The following SEM1 variants were observed in gnomAD, a reference collection of about 807,000 sequenced individuals.
The protein encoded by SEM1 is SEM1 26S proteasome subunit.
In SEM1, 3 loss-of-function variants were observed where a neutral mutation model predicts 12.7. That is an observed-to-expected ratio of 0.24 (90% confidence interval 0.11 to 0.61). SEM1 has a LOEUF of 0.61. Ranked by LOEUF, SEM1 falls within the 20% of genes least tolerant of loss-of-function variation. The pLI, the probability that SEM1 is intolerant of heterozygous loss-of-function variation, is 0.88. For missense variants in SEM1, 59 were observed against 81.3 expected (o/e 0.73, Z 1.06); for synonymous variants, 30 against 27.8 (o/e 1.08, Z -0.25).
chr7:96,576,789 A>G (rs2116023673), intron 2 of SEM1, among the ~76,000 whole-genome samples: 1 of 152,278 alleles, frequency 6.6e-6, no homozygotes, highest in South Asian at 2.1e-4. Flanking sequence ...CAAAGAAGCC[A>G]TCACAAAAAC....
intron 1 of SEM1, among the ~76,000 whole-genome samples, chr7:96,493,026 T>G (rs767355425): frequency 5.6e-4 from 85 of 152,194 alleles, no homozygotes; most frequent in Non-Finnish European, 3.4e-4. Flanking sequence ...GAGTGTGGAG[T>G]GCAGTAACGC....
At chr7:96,620,341 C>A (rs1341142140), downstream of SEM1, among the ~76,000 whole-genome samples, 2 of 152,108 alleles carry the variant, frequency 1.3e-5, no homozygotes, top group Non-Finnish European at 2.9e-5. Flanking sequence ...CCAGCCTCTC[C>A]CTCTGTCTCC....
At chr7:96,669,983 A>C (rs1301630135), downstream of SEM1, among the ~76,000 whole-genome samples, 1 of 152,208 alleles carries the variant, frequency 6.6e-6, no homozygotes, top group Non-Finnish European at 1.5e-5. Context: ...CCTCCTTTAT[A>C]GATGAGGCTA....
upstream of SEM1, among the ~76,000 whole-genome samples, chr7:96,500,279 T>C (rs1218839368): frequency 6.6e-6 from 1 of 151,974 alleles, no homozygotes; most frequent in African/African-American, 2.4e-5. Context: ...TCTTTCTTGG[T>C]GGCCGCATCG....
chr7:96,673,442 C>T, downstream of SEM1: 1 of 257,380 alleles, frequency 3.9e-6, no homozygotes, highest in South Asian at 7.3e-5. Context: ...ACATGACTTT[C>T]CACTGAACAC....
chr7:96,552,189 TTC>T (rs1364457331), intron 2 of SEM1, among the ~76,000 whole-genome samples: 1 of 75,026 alleles, frequency 1.3e-5, no homozygotes, highest in Non-Finnish European at 3.9e-5. Context: ...CTACAGGAGT[TTC>T]TCTCTTTTTT....
At chr7:96,667,797 T>C (rs1261649646) in intron 2 of SEM1, among the ~76,000 whole-genome samples, 1 of 152,202 alleles carries the variant, frequency 6.6e-6, no homozygotes, top group African/African-American at 2.4e-5. Flanking sequence ...ACACACCTAA[T>C]ACCACTTGAA....
downstream of SEM1, among the ~76,000 whole-genome samples, chr7:96,685,794 A>G (rs1584862275): frequency 6.6e-6 from 1 of 152,040 alleles, no homozygotes; most frequent in East Asian, 1.9e-4. Flanking sequence ...AAAAAAAAAA[A>G]AAAAAAAATT....
At chr7:96,586,309 C>T (rs1032112345) in intron 2 of SEM1, among the ~76,000 whole-genome samples, 1 of 152,116 alleles carries the variant, frequency 6.6e-6, no homozygotes, top group Non-Finnish European at 1.5e-5. Flanking sequence ...TTCTTCCTGC[C>T]TGAGCTCACA....
intron 2 of SEM1, among the ~76,000 whole-genome samples, chr7:96,581,092 T>G (rs1411367659): frequency 6.6e-6 from 1 of 152,252 alleles, no homozygotes; most frequent in Non-Finnish European, 1.5e-5. Flanking sequence ...CTAGGGTTTT[T>G]ATGGTTTTAG....
intron 2 of SEM1, among the ~76,000 whole-genome samples, chr7:96,674,293 A>G (rs1354029324): frequency 6.6e-6 from 1 of 152,172 alleles, no homozygotes. Flanking sequence ...CAGGGCTTAG[A>G]ATATTACTAG....
At position 96,597,018 on chromosome 7, in the gene SEM1, G is replaced by C. The variant is rs145991170; in HGVS notation, c.171-90320C>G. Among the ~76,000 whole-genome samples the C allele has an allele frequency of 3.7e-4, 57 of 152,240 alleles. 1 individual carries two copies. In the East Asian group the frequency reaches 0.01, roughly 28 times the overall value. Reference sequence around the variant, plus strand: ...TTACACTGAAGCTGGTATTGTAACAGGAGAATGGGGAGTGTTTTGAGGGGA... The same window carrying C: ...TTACACTGAAGCTGGTATTGTAACACGAGAATGGGGAGTGTTTTGAGGGGA... On this transcript the variant is annotated intron_variant and NMD_transcript_variant, in intron 2 of 3. Coordinates refer to the SEM1 transcript ENST00000466986.
intron 2 of SEM1, among the ~76,000 whole-genome samples, chr7:96,573,812 C>CT (rs1411406618): frequency 6.6e-6 from 1 of 152,098 alleles, no homozygotes; most frequent in African/African-American, 2.4e-5. Context: ...GTTGGTCTGT[C>CT]TTGCTAAATT....
chr7:96,597,151 A>G (rs371357984), intron 2 of SEM1, among the ~76,000 whole-genome samples: 1 of 152,232 alleles, frequency 6.6e-6, no homozygotes, highest in East Asian at 1.9e-4. Flanking sequence ...ATACTGTCAT[A>G]GTCAGGGCCG....
At chr7:96,682,122 T>C (rs1789632251) in intron 2 of SEM1, among the ~76,000 whole-genome samples, 1 of 152,108 alleles carries the variant, frequency 6.6e-6, no homozygotes, top group Non-Finnish European at 1.5e-5. Flanking sequence ...ATTGTAGTCC[T>C]AGGTATTTTA....
chr7:96,679,379 T>A lies in SEM1; in HGVS notation c.171-5520A>T, dbSNP rs146407353. 2.6e-5 allele frequency among the ~76,000 whole-genome samples: 4 copies of A among 152,240 alleles called. No homozygotes were observed. The East Asian group carries it at 7.7e-4, about 29-fold the overall frequency. On this transcript the variant is annotated intron_variant, in intron 2 of 2. Coordinates refer to the SEM1 transcript ENST00000413065. ...ATACATAAAATACCAACCGGGAGTC[T>A]TTGTTTTTGAGTACGAGTTTTGAAA...
At chr7:96,588,353 A>AACAC (rs56655484) in intron 2 of SEM1, among the ~76,000 whole-genome samples, 157 of 141,030 alleles carry the variant, frequency 1.1e-3, no homozygotes, top group African/African-American at 3.9e-3. Context: ...TCTAAAAACA[A>AACAC]ACACACACAC....
At chr7:96,689,006 T>A in intron 2 of SEM1, 40 bp from the exon 3 acceptor site, 1 of 1,240,294 alleles carries the variant, frequency 8.1e-7, no homozygotes, top group South Asian at 1.2e-5. Flanking sequence ...GTATTCTTTA[T>A]AATAAACATT....
At chr7:96,612,106 T>A (rs1207542847) in intron 2 of SEM1, among the ~76,000 whole-genome samples, 1 of 152,204 alleles carries the variant, frequency 6.6e-6, no homozygotes, top group Non-Finnish European at 1.5e-5. Context: ...CAACATTTTA[T>A]CATTGAGTAG....
Sources: gnomAD v4.1 joint callset for allele counts (sites outside exome capture counted in the v4.1 genomes callset) on GRCh38, gnomAD v4.1.1 for gene constraint, MANE v1.5 for transcripts, NCBI Gene and HGNC (gene_info 2026-07-23, HGNC 2026-07-21) for gene names.